The following ADAMTSL1 variants were observed in gnomAD, a reference collection of about 807,000 sequenced individuals.
ADAMTSL1 encodes the protein ADAMTS-like protein 1.
In ADAMTSL1, 126 loss-of-function variants were observed where a neutral mutation model predicts 201.8. The ratio of observed to expected loss-of-function variants is 0.62; its 90% confidence interval spans 0.54 to 0.72. The LOEUF (loss-of-function observed/expected upper bound fraction) is 0.72, where lower values mean the gene tolerates loss of function less well. Ranked by LOEUF, ADAMTSL1 falls within the 30% of genes least tolerant of loss-of-function variation. ADAMTSL1 has a pLI of 0.00. For missense variants in ADAMTSL1, 2,679 were observed against 2,277.8 expected (o/e 1.18, Z -3.59); for synonymous variants, 1,121 against 903.4 (o/e 1.24, Z -4.32).
intron 2 of ADAMTSL1, among the ~76,000 whole-genome samples, chr9:18,442,452 T>C (rs1006178442): frequency 6.6e-6 from 1 of 152,208 alleles, no homozygotes; most frequent in African/African-American, 2.4e-5. Context: ...AAGGGAGTTA[T>C]TAAAATTCAA....
At chr9:18,253,231 A>G (rs531291138) in intron 2 of ADAMTSL1, among the ~76,000 whole-genome samples, 161 of 152,308 alleles carry the variant, frequency 1.1e-3, no homozygotes, top group African/African-American at 3.7e-3. Context: ...CTGTATGGGT[A>G]TACATAAAGT....
At chr9:18,399,913 A>G (rs1207620595) in intron 2 of ADAMTSL1, among the ~76,000 whole-genome samples, 1 of 152,094 alleles carries the variant, frequency 6.6e-6, no homozygotes, top group Non-Finnish European at 1.5e-5. Context: ...TCAGGAAAGG[A>G]CTGTGTTTAT....
At chr9:18,837,969 A>C (rs1290616384) in intron 23 of ADAMTSL1, among the ~76,000 whole-genome samples, 3 of 152,154 alleles carry the variant, frequency 2.0e-5, no homozygotes, top group Non-Finnish European at 4.4e-5. Context: ...TCACTGGCTT[A>C]GGCCTCCATG....
chr9:18,545,993 A>T (rs1373549627), intron 3 of ADAMTSL1, among the ~76,000 whole-genome samples: 1 of 152,192 alleles, frequency 6.6e-6, no homozygotes, highest in Non-Finnish European at 1.5e-5. Flanking sequence ...TTTCCCTCCA[A>T]GACATCACTT....
chr9:18,207,576 T>C (rs1375938436), intron 2 of ADAMTSL1, among the ~76,000 whole-genome samples: 1 of 152,198 alleles, frequency 6.6e-6, no homozygotes, highest in African/African-American at 2.4e-5. Context: ...ATGATTCTCC[T>C]ACAATAGAAG....
intron 1 of ADAMTSL1, among the ~76,000 whole-genome samples, chr9:18,482,302 C>T (rs1434417339): frequency 6.6e-6 from 1 of 152,266 alleles, no homozygotes; most frequent in Non-Finnish European, 1.5e-5. Flanking sequence ...ACCTCATAAG[C>T]GGGTTCTTTC....
intron 20 of ADAMTSL1, among the ~76,000 whole-genome samples, chr9:18,807,652 A>C (rs910755977): frequency 6.2e-5 from 9 of 145,566 alleles, no homozygotes; most frequent in African/African-American, 2.1e-4. Flanking sequence ...TCTCAAAAAA[A>C]AAAAAACAAA....
At chr9:18,304,189 C>T (rs111724858) in intron 2 of ADAMTSL1, among the ~76,000 whole-genome samples, 1 of 151,512 alleles carries the variant, frequency 6.6e-6, no homozygotes, top group Non-Finnish European at 1.5e-5. Flanking sequence ...CAAACTCATT[C>T]TCACATAGAA....
At chr9:18,539,387 A>G (rs1218181193) in intron 3 of ADAMTSL1, among the ~76,000 whole-genome samples, 1 of 152,214 alleles carries the variant, frequency 6.6e-6, no homozygotes, top group Non-Finnish European at 1.5e-5. Flanking sequence ...ACAAAGTGCT[A>G]AGTCATGGAA....
chr9:18,192,173 A>G (rs148115064), intron 2 of ADAMTSL1, among the ~76,000 whole-genome samples: 3 of 152,262 alleles, frequency 2.0e-5, no homozygotes, highest in African/African-American at 7.2e-5. Context: ...TACTCTTGCA[A>G]TGACTTATTA....
intron 2 of ADAMTSL1, among the ~76,000 whole-genome samples, chr9:18,225,560 A>C (rs1830409232): frequency 6.6e-6 from 1 of 152,142 alleles, no homozygotes; most frequent in African/African-American, 2.4e-5. Flanking sequence ...ATTATTTTTC[A>C]TATTTAAAAG....
chr9:18,371,585 C>T (rs1176969139), intron 2 of ADAMTSL1, among the ~76,000 whole-genome samples: 1 of 152,078 alleles, frequency 6.6e-6, no homozygotes, highest in African/African-American at 2.4e-5. Flanking sequence ...TTTCTTTGAA[C>T]ATATATTGTT....
chr9:18,164,708 A>G (rs1827556632), intron 2 of ADAMTSL1, among the ~76,000 whole-genome samples: 4 of 151,858 alleles, frequency 2.6e-5, no homozygotes, highest in African/African-American at 9.7e-5. Flanking sequence ...TTTCTTATCC[A>G]ACATAAAAGG....
At chr9:18,366,627 A>ATTTTTTTTTT (rs772034324) in intron 2 of ADAMTSL1, among the ~76,000 whole-genome samples, 6 of 112,832 alleles carry the variant, frequency 5.3e-5, no homozygotes, top group African/African-American at 2.1e-4. Flanking sequence ...GAAATCACTA[A>ATTTTTTTTTT]TTTTTTTTTT....
At chr9:18,544,715 T>G (rs1338125655) in intron 3 of ADAMTSL1, among the ~76,000 whole-genome samples, 1 of 152,226 alleles carries the variant, frequency 6.6e-6, no homozygotes, top group Non-Finnish European at 1.5e-5. Flanking sequence ...AGCATCTACT[T>G]TCCTTGACTC....
intron 2 of ADAMTSL1, among the ~76,000 whole-genome samples, chr9:18,283,234 T>G (rs1289719178): frequency 6.6e-6 from 1 of 152,182 alleles, no homozygotes; most frequent in African/African-American, 2.4e-5. Context: ...TTAAGATCTA[T>G]TTTGTCTGAT....
In ADAMTSL1 at chr9:18,706,891, AT is replaced by A. The variant is rs1306655930; in HGVS notation, c.1720del (p.Ser574ProfsTer59). On this transcript the variant is annotated frameshift_variant, in exon 14 of 29. Coordinates refer to ENST00000380548, the MANE Select transcript of ADAMTSL1 (RefSeq NM_001040272.6). LOFTEE classifies it high-confidence loss of function. ...IDECEGPKPA[S>X]QRACYAGPCS... ...ACGAGTGTGAAGGGCCCAAGCCAGC[AT>A]CCCAGCGTGCCTGTTATGCAGGCCC... 1 of 1,613,950 alleles carries A rather than the reference AT, an allele frequency of 6.2e-7. No individual in the cohort carries two copies.
At position 18,905,888 on chromosome 9, in the gene ADAMTSL1, C is replaced by T. The variant is rs183926817; in HGVS notation, c.4958C>T (p.Pro1653Leu). 277 of 1,605,610 alleles carry T rather than the reference C, an allele frequency of 1.7e-4. 1 individual carries two copies. The highest frequency in any genetic ancestry group is 1.6e-3 in the South Asian group (146 of 89,664). The change falls in exon 27 of 29, where the codon CCG (proline) becomes CTG (leucine). Residue 1653 changes from proline to leucine, a missense_variant. Coordinates refer to ENST00000380548, the MANE Select transcript of ADAMTSL1 (RefSeq NM_001040272.6). ...CCATCAGAGCAGTGCAGTGCTCTTC[C>T]GAGGTAAGAGAAAGCCCTGAATCTC... Reference protein sequence around the residue: ...TLPSEQCSALPRPVSTQNCWS... With the variant: ...TLPSEQCSALLRPVSTQNCWS...
intron 1 of ADAMTSL1, among the ~76,000 whole-genome samples, chr9:18,017,509 C>T (rs920940700): frequency 6.6e-6 from 1 of 151,876 alleles, no homozygotes; most frequent in African/African-American, 2.4e-5. Flanking sequence ...TTCAATTTCC[C>T]CCTCTACTCA....
Sources: allele counts gnomAD v4.1 joint callset (sites outside exome capture counted in the v4.1 genomes callset), GRCh38; gene constraint gnomAD v4.1.1; transcripts MANE v1.5; gene names NCBI Gene and HGNC (gene_info 2026-07-23, HGNC 2026-07-21).